Variants in THSD7A observed in about 807,000 individuals in gnomAD.
THSD7A encodes thrombospondin type 1 domain containing 7A, also known as thrombospondin type-1 domain-containing protein 7A.
THSD7A carries 96 observed loss-of-function variants against 231.3 expected under a neutral mutation model. The observed-to-expected ratio is 0.41, with a 90% confidence interval of 0.35 to 0.49. THSD7A has a LOEUF of 0.49. Ranked by LOEUF, THSD7A falls within the 20% of genes least tolerant of loss-of-function variation. The pLI, the probability that THSD7A is intolerant of heterozygous loss-of-function variation, is 0.05. For missense variants in THSD7A, 2,290 were observed against 2,070.2 expected (o/e 1.11, Z -2.06); for synonymous variants, 940 against 743.3 (o/e 1.26, Z -4.30).
rs769912319 is a variant in THSD7A, at chr7:11,636,368, T to G, written c.784A>C (p.Thr262Pro). The change falls in exon 2 of 28, where the codon ACC becomes CCC. Residue 262 changes from threonine to proline, a missense_variant. Physicochemically the swap from Thr to Pro is conservative, Grantham distance 38. Transcript: ENST00000423059. This position sits in a 1 kb window ranked among gnomAD's most constrained non-coding sequence, Gnocchi z 10.0. ...RYSLHVGPWS[T>P]CSMPHSRQVR... Reference sequence around the variant, plus strand: ...TGTCGGGAGTGGGGCATTGAGCAGGTGCTCCAGGGCCCCACATGCAGGCTG... The same window carrying G: ...TGTCGGGAGTGGGGCATTGAGCAGGGGCTCCAGGGCCCCACATGCAGGCTG... 21 of 1,613,852 alleles carry G rather than the reference T, an allele frequency of 1.3e-5. No individual in the cohort carries two copies. In the South Asian group the frequency reaches 2.3e-4, roughly 18 times the overall value.
At chr7:11,657,413 A>C (rs1220679221) in intron 1 of THSD7A, among the ~76,000 whole-genome samples, 3 of 151,690 alleles carry the variant, frequency 2.0e-5, no homozygotes, top group African/African-American at 7.3e-5. Flanking sequence ...GAGCATAGAC[A>C]TGGGAAAGAA....
Position 11,590,538 on chromosome 7 carries a change from T to A in THSD7A, c.1375A>T (p.Ile459Phe). The A allele has an allele frequency of 6.2e-7, 1 of 1,613,966 alleles. No homozygotes were observed. The highest frequency in any genetic ancestry group is 1.1e-5 in the South Asian group (1 of 91,078). Reference sequence around the variant, plus strand: ...ACGCAGTACACCTCTCGGGTCTGGATGCCCCCTCCACAGAGGGCCGTCTGG... The same window carrying A: ...ACGCAGTACACCTCTCGGGTCTGGAAGCCCCCTCCACAGAGGGCCGTCTGG... ...GNQTALCGGG[I>F]QTREVYCVQA... Residue 459 changes from isoleucine (I) to phenylalanine (F), a missense_variant, in exon 4 of 28, where the codon ATC (isoleucine) becomes TTC (phenylalanine). Ile to Phe is a conservative substitution (Grantham distance 21). Coordinates refer to ENST00000423059, the MANE Select transcript of THSD7A (RefSeq NM_015204.3). This position sits in a 1 kb window ranked among gnomAD's most constrained non-coding sequence, Gnocchi z 4.4.
At chr7:11,809,102 G>C (rs1784465986) in intron 1 of THSD7A, among the ~76,000 whole-genome samples, 1 of 152,054 alleles carries the variant, frequency 6.6e-6, no homozygotes, top group Admixed American at 6.6e-5. Flanking sequence ...CTGATACCTA[G>C]TATATAATAC....
intron 6 of THSD7A, among the ~76,000 whole-genome samples, chr7:11,531,794 C>T (rs759719202): frequency 3.3e-5 from 5 of 152,030 alleles, no homozygotes; most frequent in African/African-American, 4.8e-5. Flanking sequence ...CTGGCACTTC[C>T]GGGTATAGCT....
At chr7:11,388,132 T>C (rs1357487380) in intron 23 of THSD7A, among the ~76,000 whole-genome samples, 1 of 152,142 alleles carries the variant, frequency 6.6e-6, no homozygotes, top group Middle Eastern at 3.2e-3. Flanking sequence ...TTCGCACCAA[T>C]GTTCATCAGG....
chr7:11,658,829 TAA>T (rs1465360178), intron 1 of THSD7A, among the ~76,000 whole-genome samples: 2 of 151,704 alleles, frequency 1.3e-5, no homozygotes, highest in Admixed American at 1.3e-4. Flanking sequence ...TTCTGGAATA[TAA>T]GTTTTGTTTC....
At chr7:11,517,384 T>C (rs538625762) in intron 6 of THSD7A, among the ~76,000 whole-genome samples, 1 of 151,404 alleles carries the variant, frequency 6.6e-6, no homozygotes, top group South Asian at 2.1e-4. Context: ...GGCCCCCATA[T>C]CATTATTTTT....
At chr7:11,390,668 G>T (rs10950346) in intron 23 of THSD7A, among the ~76,000 whole-genome samples, 25,854 of 152,104 alleles carry the variant, frequency 0.17, 2,275 homozygotes, top group Non-Finnish European at 0.18. Flanking sequence ...GAGGGGAAGA[G>T]GCATTCTGGT....
chr7:11,428,209 A>G (rs1166582796), intron 14 of THSD7A, among the ~76,000 whole-genome samples: 1 of 152,214 alleles, frequency 6.6e-6, no homozygotes, highest in East Asian at 1.9e-4. Flanking sequence ...ACACCCACAC[A>G]TAATAAATGA....
At chr7:11,487,925 A>T (rs1196613140) in intron 6 of THSD7A, among the ~76,000 whole-genome samples, 1 of 149,336 alleles carries the variant, frequency 6.7e-6, no homozygotes, top group Non-Finnish European at 1.5e-5. Flanking sequence ...CTCTTGAGTT[A>T]TCCTGATTTT....
chr7:11,483,635 A>G (rs1396872923), intron 6 of THSD7A, among the ~76,000 whole-genome samples: 2 of 152,164 alleles, frequency 1.3e-5, no homozygotes, highest in Non-Finnish European at 2.9e-5. Flanking sequence ...TTGACATAAT[A>G]ATGATGACTC....
chr7:11,714,117 G>A (rs1021187606), intron 1 of THSD7A, among the ~76,000 whole-genome samples: 8 of 151,126 alleles, frequency 5.3e-5, no homozygotes, highest in African/African-American at 1.5e-4. Context: ...GCAGGAAAAC[G>A]ATGTTTTCAA....
At position 11,687,252 on chromosome 7, in the gene THSD7A, A is replaced by G. The variant is rs557311685; in HGVS notation, c.191-50291T>C. On this transcript the variant is annotated intron_variant, in intron 1 of 27. Transcript: ENST00000423059. Reference sequence around the variant, plus strand: ...AAAATGTGCACTAAAATAAAATAGTAAATAAATAAAATGTATTTCGCTAAT... The same window carrying G: ...AAAATGTGCACTAAAATAAAATAGTGAATAAATAAAATGTATTTCGCTAAT... Among the ~76,000 whole-genome samples, 24 of 152,072 alleles carry G rather than the reference A, an allele frequency of 1.6e-4. 1 individual carries two copies. In the South Asian group the frequency reaches 3.1e-3, roughly 20 times the overall value.
intron 23 of THSD7A, among the ~76,000 whole-genome samples, chr7:11,401,244 C>G (rs1034592616): frequency 1.3e-5 from 2 of 152,026 alleles, no homozygotes; most frequent in African/African-American, 4.8e-5. Flanking sequence ...ATAATGTGCT[C>G]CTAATTATCT....
At chr7:11,537,305 A>G (rs1788952975) in intron 6 of THSD7A, among the ~76,000 whole-genome samples, 1 of 152,192 alleles carries the variant, frequency 6.6e-6, no homozygotes, top group African/African-American at 2.4e-5. Context: ...TCAATGATAT[A>G]GTTTGGATAT....
At chr7:11,680,250 A>C (rs1369676320) in intron 1 of THSD7A, among the ~76,000 whole-genome samples, 1 of 152,188 alleles carries the variant, frequency 6.6e-6, no homozygotes, top group Non-Finnish European at 1.5e-5. Flanking sequence ...TAAAATCCCT[A>C]GAAGAAAACC....
chr7:11,701,570 A>C (rs956040917), intron 1 of THSD7A, among the ~76,000 whole-genome samples: 3 of 151,168 alleles, frequency 2.0e-5, no homozygotes, highest in Non-Finnish European at 4.4e-5. Flanking sequence ...GTTATGCAAA[A>C]ACTGTGTTTT....
chr7:11,407,283 T>TG lies in THSD7A; in HGVS notation c.3916+22_3916+23insC, dbSNP rs776465297. The TG allele has an allele frequency of 2.5e-6, 4 of 1,580,000 alleles. No individual in the cohort carries two copies. The Admixed American group carries it at 6.8e-5, about 27-fold the overall frequency. Reference sequence around the variant, plus strand: ...TCATATTCCTTGACCAGTAGCCTAATATAAGTTATGGTACAAACAAACCTG... The same window carrying TG: ...TCATATTCCTTGACCAGTAGCCTAATGATAAGTTATGGTACAAACAAACCTG... On this transcript the variant is annotated intron_variant, in intron 20 of 27. Coordinates refer to ENST00000423059, the MANE Select transcript of THSD7A (RefSeq NM_015204.3).
chr7:11,665,575 A>T (rs924134453), intron 1 of THSD7A, among the ~76,000 whole-genome samples: 1 of 152,112 alleles, frequency 6.6e-6, no homozygotes, highest in Admixed American at 6.6e-5. Context: ...ATTGTGAAAT[A>T]AGGGGTTTGG....
Sources: gnomAD v4.1 joint callset for allele counts (sites outside exome capture counted in the v4.1 genomes callset) on GRCh38, gnomAD v4.1.1 for gene constraint, Gnocchi (gnomAD v3.1) non-coding constraint, MANE v1.5 for transcripts, NCBI Gene and HGNC (gene_info 2026-07-23, HGNC 2026-07-21) for gene names.